Variants in NARS2 observed in about 807,000 individuals in gnomAD.
NARS2 encodes asparaginyl-tRNA synthetase.
In NARS2, 60 loss-of-function variants were observed where a neutral mutation model predicts 62.9. The ratio of observed to expected loss-of-function variants is 0.95; its 90% CI spans 0.77 to 1.18. NARS2 has a LOEUF of 1.18. Ranked by LOEUF, NARS2 falls within the 50% of genes most tolerant of loss-of-function variation. The probability of loss-of-function intolerance (pLI) is 0.00; values close to 1 mark genes in which losing one functional copy is unlikely to be tolerated. For missense variants in NARS2, 619 were observed against 576.4 expected, an observed-to-expected ratio of 1.07 and a Z score of -0.76; for synonymous variants, 196 against 200.0, an observed-to-expected ratio of 0.98 and a Z score of 0.17.
intron 11 of NARS2, among the ~76,000 whole-genome samples, chr11:78,463,178 C>T (rs1858464244): frequency 6.6e-6 from 1 of 152,118 alleles, no homozygotes; most frequent in South Asian, 2.1e-4. Flanking sequence ...AATTCTCTCA[C>T]CTCAGCCTCT....
rs1398451935 is a variant in NARS2 at position 78,497,240 on chromosome 11, T to TG, written c.690-4046dup. On this transcript the variant is annotated intron_variant, in intron 6 of 13. Transcript: ENST00000281038. ...CTCTTTGGAAAATAAAAAGCAAAAT[T>TG]GAAAAAAAAAAAAAAAAAAAAGGTT... Among the ~76,000 whole-genome samples, 17 of 39,046 alleles carry TG rather than the reference T, an allele frequency of 4.4e-4. No homozygotes were observed. The South Asian group carries it at 0.01, about 23-fold the overall frequency. 25.6% of individuals were successfully genotyped at this position (39,046 alleles called of 152,430 possible). A position where few individuals can be genotyped will look rare whatever the true frequency, so the allele number is the denominator to read the frequency against.
At chr11:78,456,757 A>G (rs926494239) in intron 11 of NARS2, among the ~76,000 whole-genome samples, 2 of 152,220 alleles carry the variant, frequency 1.3e-5, no homozygotes, top group African/African-American at 4.8e-5. Context: ...GTGTAGAATA[A>G]AAGACTATTC....
At chr11:78,505,933 G>GA (rs1317699574) in intron 6 of NARS2, among the ~76,000 whole-genome samples, 2 of 151,774 alleles carry the variant, frequency 1.3e-5, no homozygotes, top group African/African-American at 4.8e-5. Context: ...GCAGACTGGG[G>GA]AAAAAAAGTA....
At chr11:78,562,320 C>T (rs1313149905) in intron 4 of NARS2, among the ~76,000 whole-genome samples, 3 of 151,886 alleles carry the variant, frequency 2.0e-5, no homozygotes, top group African/African-American at 2.4e-5. Context: ...GTCCCAGCTA[C>T]TTGGGAGGCT....
chr11:78,491,695 C>T (rs1859826370), intron 7 of NARS2, among the ~76,000 whole-genome samples: 1 of 152,170 alleles, frequency 6.6e-6, no homozygotes, highest in Non-Finnish European at 1.5e-5. Flanking sequence ...GTTCACACTT[C>T]CCACTGTTCA....
intron 6 of NARS2, among the ~76,000 whole-genome samples, chr11:78,514,659 T>C (rs558875556): frequency 3.9e-4 from 59 of 152,096 alleles, no homozygotes; most frequent in Non-Finnish European, 6.0e-4. Flanking sequence ...CTCAGTGAAT[T>C]AGGTAACAGA....
chr11:78,550,617 T>C (rs1856062820), intron 5 of NARS2, among the ~76,000 whole-genome samples: 1 of 152,148 alleles, frequency 6.6e-6, no homozygotes. Context: ...AAATAACAAA[T>C]GTAGGCTAGG....
At chr11:78,443,566 G>A in intron 12 of NARS2, 95 bp downstream of exon 12, 3 of 746,492 alleles carry the variant, frequency 4.0e-6, no homozygotes, top group East Asian at 2.6e-5. Flanking sequence ...CAGGCGCCGA[G>A]GCCCAGGGTC....
At chr11:78,496,454 TAAG>T (rs982317590) in intron 6 of NARS2, among the ~76,000 whole-genome samples, 2 of 152,152 alleles carry the variant, frequency 1.3e-5, no homozygotes, top group African/African-American at 4.8e-5. Flanking sequence ...TCAGATGGGT[TAAG>T]AAGCTTTCCC....
chr11:78,493,681 A>G (rs1859929570), intron 6 of NARS2, among the ~76,000 whole-genome samples: 1 of 151,624 alleles, frequency 6.6e-6, no homozygotes, highest in Admixed American at 6.6e-5. Flanking sequence ...AAACAAAAAA[A>G]AAAAAGAAAA....
chr11:78,459,411 C>T (rs922690290), intron 11 of NARS2, among the ~76,000 whole-genome samples: 1 of 150,810 alleles, frequency 6.6e-6, no homozygotes, highest in Non-Finnish European at 1.5e-5. Flanking sequence ...GCTGGGATTA[C>T]AGGTGTGTAC....
intron 5 of NARS2, among the ~76,000 whole-genome samples, chr11:78,540,779 G>A (rs1855582501): frequency 6.6e-6 from 1 of 152,198 alleles, no homozygotes. Context: ...TATAACCACT[G>A]AATATCCTAT....
intron 9 of NARS2, among the ~76,000 whole-genome samples, chr11:78,475,653 C>T (rs374454411): frequency 4.3e-5 from 6 of 140,864 alleles, no homozygotes; most frequent in African/African-American, 1.3e-4. Flanking sequence ...AGTGCAGCAG[C>T]GTCTGTGATC....
At chr11:78,558,587 C>T (rs909272447) in intron 5 of NARS2, 3 of 152,182 alleles carry the variant, frequency 2.0e-5, no homozygotes, top group African/African-American at 7.2e-5. Flanking sequence ...CATTATTATA[C>T]AACCGGCTAA....
At chr11:78,478,307 T>A (rs1486121374) in intron 9 of NARS2, 131 bp downstream of exon 9, 1 of 292,330 alleles carries the variant, frequency 3.4e-6, no homozygotes, top group Non-Finnish European at 6.2e-6. Flanking sequence ...TATATAGACA[T>A]ATAATATGTC....
At chr11:78,562,012 G>A (rs2135522020) in intron 4 of NARS2, among the ~76,000 whole-genome samples, 1 of 152,132 alleles carries the variant, frequency 6.6e-6, no homozygotes, top group South Asian at 2.1e-4. Context: ...TCTAGCCTGG[G>A]TGACACGGCG....
chr11:78,441,003 T>C (rs1857561293), intron 13 of NARS2, 88 bp downstream of exon 13: 3 of 1,159,066 alleles, frequency 2.6e-6, no homozygotes, highest in African/African-American at 1.5e-5. Context: ...CACTCTTTCA[T>C]GGGGTCTTGG....
intron 12 of NARS2, among the ~76,000 whole-genome samples, chr11:78,442,773 A>G (rs1033689306): frequency 6.6e-6 from 1 of 152,178 alleles, no homozygotes; most frequent in Non-Finnish European, 1.5e-5. Flanking sequence ...CCCATCTCCA[A>G]AACATTCTCT....
chr11:78,511,721 G>GAA (rs34758500), intron 6 of NARS2, among the ~76,000 whole-genome samples: 1 of 141,730 alleles, frequency 7.1e-6, no homozygotes, highest in Non-Finnish European at 1.5e-5. Flanking sequence ...CGTCTCCAAA[G>GAA]AAAAAAAAAA....
Sources: gnomAD v4.1 joint callset for allele counts (sites outside exome capture counted in the v4.1 genomes callset) on GRCh38, gnomAD v4.1.1 for gene constraint, MANE v1.5 for transcripts, NCBI Gene and HGNC (gene_info 2026-07-23, HGNC 2026-07-21) for gene names.